The following CRTC3 variants were observed in gnomAD, a reference collection of about 807,000 sequenced individuals.
CRTC3 encodes CREB regulated transcription coactivator 3, also known as CREB-regulated transcription coactivator 3.
CRTC3 carries 26 observed loss-of-function variants against 74.5 expected under a neutral mutation model. That is an observed-to-expected ratio of 0.35 (90% CI 0.26 to 0.48). The LOEUF (loss-of-function observed/expected upper bound fraction) is 0.48. CRTC3 is among the 20% of genes least tolerant of loss of function. CRTC3 has a pLI of 0.99. For synonymous variants in CRTC3, 377 were observed against 325.8 expected (o/e 1.16, Z -1.69); for missense variants, 760 against 787.3 (o/e 0.97, Z 0.41).
intron 10 of CRTC3, among the ~76,000 whole-genome samples, chr15:90,628,932 T>C (rs1968935679): frequency 6.6e-6 from 1 of 152,148 alleles, no homozygotes; most frequent in Admixed American, 6.5e-5. Flanking sequence ...GCCGAGCACC[T>C]GGAATATTTG....
At chr15:90,555,361 C>T (rs1184560080) in intron 2 of CRTC3, among the ~76,000 whole-genome samples, 1 of 152,064 alleles carries the variant, frequency 6.6e-6, no homozygotes, top group Non-Finnish European at 1.5e-5. Flanking sequence ...AAGTATTTAT[C>T]GAGTGCCTTT....
At chr15:90,578,698 C>G (rs1196397552) in intron 2 of CRTC3, among the ~76,000 whole-genome samples, 1 of 152,070 alleles carries the variant, frequency 6.6e-6, no homozygotes, top group Non-Finnish European at 1.5e-5. Flanking sequence ...TCACAAGAAG[C>G]AAAAAATCTG....
intron 12 of CRTC3, 33 bp downstream of exon 12, chr15:90,638,679 A>C (rs867721470): frequency 6.2e-7 from 1 of 1,612,736 alleles, no homozygotes; most frequent in Middle Eastern, 1.6e-4. Context: ...GTGCAGAGGG[A>C]ATGCTTGTTT....
chr15:90,589,481 T>C (rs1967748557), intron 2 of CRTC3, among the ~76,000 whole-genome samples: 1 of 152,178 alleles, frequency 6.6e-6, no homozygotes, highest in Non-Finnish European at 1.5e-5. Flanking sequence ...CTCGGCCTCC[T>C]GAGTAGCTAG....
In CRTC3 at chr15:90,604,418, T is replaced by G; in HGVS notation, c.447T>G (p.Pro149=). The change falls in exon 5 of 15, where the codon CCT becomes CCG. Residue 149 remains proline, a synonymous_variant. Coordinates refer to ENST00000268184, the MANE Select transcript of CRTC3 (RefSeq NM_022769.5). Reference sequence around the variant, plus strand: ...CTCCTTGGAAAGACGAAAAGCATCCTGGGTTCAGGCTGACATCTGCACTTA... The same window carrying G: ...CTCCTTGGAAAGACGAAAAGCATCCGGGGTTCAGGCTGACATCTGCACTTA... The part of the protein sequence containing the change: ...QQPPWKDEKH[P]GFRLTSALNR... 1 of 1,614,114 alleles carries G rather than the reference T, an allele frequency of 6.2e-7. No homozygotes were observed. The highest frequency in any genetic ancestry group is 1.1e-5 in the South Asian group (1 of 91,078).
In CRTC3 at chr15:90,642,261, G is replaced by T; in HGVS notation, c.*121G>T. On this transcript the variant is annotated 3_prime_UTR_variant, in exon 15 of 15. Transcript: ENST00000268184. ...TGACATAGAAGGAAGCAATGCCACG[G>T]CTCCAGGGTTTCAGATGAGATCCCA... 1.3e-6 allele frequency: 1 copy of T among 757,764 alleles called. No individual in the cohort carries two copies. The highest frequency in any genetic ancestry group is 2.2e-6 in the Non-Finnish European group (1 of 459,048). 46.9% of individuals were successfully genotyped at this position (757,764 alleles called of 1,614,324 possible). A position where few individuals can be genotyped will look rare whatever the true frequency, so the allele number is the denominator to read the frequency against.
At chr15:90,590,195 A>C (rs1316292546) in intron 2 of CRTC3, among the ~76,000 whole-genome samples, 4 of 151,982 alleles carry the variant, frequency 2.6e-5, no homozygotes, top group Non-Finnish European at 5.9e-5. Context: ...GGGGAGGCTG[A>C]GGCAGGGGAA....
chr15:90,590,462 A>G (rs1967774226), intron 2 of CRTC3, among the ~76,000 whole-genome samples: 1 of 151,048 alleles, frequency 6.6e-6, no homozygotes, highest in African/African-American at 2.4e-5. Flanking sequence ...GTGCAGTGGC[A>G]TGATCTTGGC....
chr15:90,618,651 G>T (rs1251072313), intron 8 of CRTC3, among the ~76,000 whole-genome samples: 1 of 152,182 alleles, frequency 6.6e-6, no homozygotes, highest in Admixed American at 6.5e-5. Context: ...TGTATTGCCT[G>T]TGTACTTAAC....
chr15:90,621,307 TTTAG>T lies in CRTC3; in HGVS notation c.749+1524_749+1527del, dbSNP rs531693852. On this transcript the variant is annotated intron_variant, in intron 9 of 14. Coordinates refer to ENST00000268184, the MANE Select transcript of CRTC3 (RefSeq NM_022769.5). ...CCTCAAGAGGTTTTTGTTGTTGTTG[TTTAG>T]TTAGTTTGTTTGTATTTATTTATTT... 3.0e-3 allele frequency among the ~76,000 whole-genome samples: 452 copies of T among 152,140 alleles called. 2 individuals are homozygous for T. Among genetic ancestry groups the T allele is most frequent in the African/African-American group, 0.01 (434 of 41,502 alleles).
chr15:90,546,064 AT>A (rs1466919433), intron 2 of CRTC3, among the ~76,000 whole-genome samples: 1 of 152,062 alleles, frequency 6.6e-6, no homozygotes, highest in African/African-American at 2.4e-5. Flanking sequence ...TAGTTTATCA[AT>A]TGTGTTATTT....
chr15:90,540,943 G>T (rs1285474437), intron 2 of CRTC3, among the ~76,000 whole-genome samples: 1 of 152,158 alleles, frequency 6.6e-6, no homozygotes, highest in African/African-American at 2.4e-5. Context: ...ATTTGGACCA[G>T]CCGCATTTCA....
intron 1 of CRTC3, among the ~76,000 whole-genome samples, chr15:90,533,324 G>A (rs1254541925): frequency 1.3e-5 from 2 of 151,290 alleles, no homozygotes; most frequent in Non-Finnish European, 2.9e-5. Context: ...GGGAGGCTGC[G>A]GCAGGAGAAT....
chr15:90,563,061 C>T (rs891905915), intron 2 of CRTC3, among the ~76,000 whole-genome samples: 8 of 152,050 alleles, frequency 5.3e-5, no homozygotes, highest in East Asian at 1.9e-4. Flanking sequence ...GCTTAGTCTC[C>T]GAGAAGTTTT....
intron 2 of CRTC3, among the ~76,000 whole-genome samples, chr15:90,573,949 C>T (rs1464079354): frequency 6.6e-6 from 1 of 152,196 alleles, no homozygotes. Context: ...TCATGCCACA[C>T]TTTTCTCTGA....
intron 6 of CRTC3, among the ~76,000 whole-genome samples, chr15:90,611,378 A>G (rs893539027): frequency 2.6e-5 from 4 of 152,162 alleles, no homozygotes; most frequent in Non-Finnish European, 1.5e-5. Context: ...ACACAGTTGC[A>G]GCCTTGGTCA....
intron 2 of CRTC3, among the ~76,000 whole-genome samples, chr15:90,568,359 A>G (rs1967173254): frequency 6.7e-6 from 1 of 148,794 alleles, no homozygotes; most frequent in Admixed American, 6.7e-5. Context: ...ATTGACTCCA[A>G]TTTTTTTTTT....
intron 2 of CRTC3, among the ~76,000 whole-genome samples, chr15:90,565,173 C>T (rs1344303634): frequency 6.6e-6 from 1 of 152,146 alleles, no homozygotes; most frequent in African/African-American, 2.4e-5. Context: ...GTCTTGAACT[C>T]CCGACCTCAT....
chr15:90,602,237 C>T (rs1968088596), intron 3 of CRTC3, 87 bp from the exon 4 acceptor site: 2 of 790,338 alleles, frequency 2.5e-6, no homozygotes, highest in Non-Finnish European at 4.3e-6. Flanking sequence ...ACCAAAAACT[C>T]AGTTGTTTAA....
Sources: allele counts gnomAD v4.1 joint callset (sites outside exome capture counted in the v4.1 genomes callset), GRCh38; gene constraint gnomAD v4.1.1; transcripts MANE v1.5; gene names NCBI Gene and HGNC (gene_info 2026-07-23, HGNC 2026-07-21).